FASTKD2: variants seen among roughly 807,000 people sequenced by gnomAD.
FASTKD2 encodes the protein FAST kinase domain-containing protein 2, mitochondrial.
A neutral mutation model predicts 63.6 loss-of-function variants in FASTKD2; 51 were observed. That is an observed-to-expected ratio of 0.80 (90% CI 0.64 to 1.01). The LOEUF is 1.01. Among genes scored for constraint, FASTKD2 ranks in the 50% least tolerant of loss-of-function variants. FASTKD2 has a pLI of 0.00. For synonymous variants in FASTKD2, 284 were observed against 293.4 expected, an observed-to-expected ratio of 0.97 and a Z score of 0.33; for missense variants, 786 against 831.1, an observed-to-expected ratio of 0.95 and a Z score of 0.67.
chr2:206,771,741 C>G (rs1689688561), intron 4 of FASTKD2, among the ~76,000 whole-genome samples, 153 bp from the exon 5 acceptor site: 1 of 151,354 alleles, frequency 6.6e-6, no homozygotes, highest in Non-Finnish European at 1.5e-5. Flanking sequence ...GTAATCCCAG[C>G]TACATGGGCG....
At chr2:206,788,210 T>G in intron 9 of FASTKD2, 55 bp downstream of exon 9, 2 of 1,308,496 alleles carry the variant, frequency 1.5e-6, no homozygotes, top group South Asian at 2.6e-5. Flanking sequence ...TTCCTTTTTT[T>G]CTGACCAAAA....
At chr2:206,773,928 G>T (rs1441059993) in intron 6 of FASTKD2, among the ~76,000 whole-genome samples, 1 of 152,120 alleles carries the variant, frequency 6.6e-6, no homozygotes, top group Non-Finnish European at 1.5e-5. Flanking sequence ...TATGTTGTAT[G>T]AAAAGCATGT....
chr2:206,790,532 TA>T (rs758483047), intron 10 of FASTKD2, 39 bp from the exon 11 acceptor site: 4 of 1,164,276 alleles, frequency 3.4e-6, no homozygotes, highest in Non-Finnish European at 5.2e-6. Context: ...TAAATAGTAA[TA>T]TCAATAACTG....
intron 7 of FASTKD2, 121 bp from the exon 8 acceptor site, chr2:206,786,612 G>A: frequency 2.3e-6 from 2 of 862,974 alleles, no homozygotes; most frequent in Non-Finnish European, 4.0e-6. Flanking sequence ...ATAACCAACT[G>A]TCCAGAATGA....
At position 206,790,525 on chromosome 2, in the gene FASTKD2, A is replaced by G. The variant is rs201809280; in HGVS notation, c.1899-47A>G. ...GAGAACAAGAATGCAGCAAGACTAA[A>G]TAGTAATATCAATAACTGTTCTTGT... is the stretch of plus-strand genomic sequence containing the variant. On this transcript the variant is annotated intron_variant, in intron 10 of 11. Transcript: ENST00000402774. The G allele has an allele frequency of 3.6e-6, 4 of 1,100,980 alleles. No individual in the cohort carries two copies. The Admixed American group carries it at 6.7e-5, about 19-fold the overall frequency. The allele number at this position is 1,100,980 out of a possible 1,614,324, so 68.2% of individuals were successfully genotyped here.
intron 7 of FASTKD2, among the ~76,000 whole-genome samples, chr2:206,778,711 CCGTG>C (rs1689887610): frequency 6.6e-6 from 1 of 151,716 alleles, no homozygotes; most frequent in Non-Finnish European, 1.5e-5. Flanking sequence ...TGGTACCAGT[CCGTG>C]GCCTGTTAGG....
intron 11 of FASTKD2, 121 bp from the exon 12 acceptor site, chr2:206,791,562 G>T: frequency 1.2e-6 from 1 of 851,546 alleles, no homozygotes; most frequent in Admixed American, 1.8e-5. Flanking sequence ...GTAGTTATAA[G>T]GTCACATTTG....
In FASTKD2 at chr2:206,788,070, A is replaced by G. The variant is rs1690184475; in HGVS notation, c.1728A>G (p.Ala576=). The G allele has an allele frequency of 1.2e-6, 2 of 1,613,852 alleles. No homozygotes were observed. Among genetic ancestry groups the G allele is most frequent in the Non-Finnish European group, 1.7e-6 (2 of 1,179,826 alleles). ...PRELPSSHTN[A]KVAEVLSSLL... ...AGCTGCCATCGTCACATACAAATGC[A>G]AAGGTGGCAGAGGTGCTGAGCAGCC... The change falls in exon 9 of 12, where the codon GCA becomes GCG. Residue 576 remains alanine, a synonymous_variant. Coordinates refer to ENST00000402774, the MANE Select transcript of FASTKD2 (RefSeq NM_001136193.2).
rs560757267 is a variant in FASTKD2, at chr2:206,795,058, C to A, written c.*3256C>A. Among the ~76,000 whole-genome samples, 2 of 152,174 alleles carry A rather than the reference C, an allele frequency of 1.3e-5. No individual in the cohort carries two copies. The highest frequency in any genetic ancestry group is 2.4e-5 in the African/African-American group (1 of 41,440). The stretch of plus-strand genomic sequence containing the variant: ...GAGGGACGTGGCACAGCCTTGTCTT[C>A]ACACAGCACATCACAGCCAGGCAGC... On this transcript the variant is annotated 3_prime_UTR_variant, in exon 12 of 12. Transcript: ENST00000402774.
At chr2:206,770,868 A>G (rs983908002) in intron 3 of FASTKD2, among the ~76,000 whole-genome samples, 2 of 152,208 alleles carry the variant, frequency 1.3e-5, no homozygotes, top group African/African-American at 2.4e-5. Flanking sequence ...ATTGATATAA[A>G]TGATCTAATG....
intron 7 of FASTKD2, among the ~76,000 whole-genome samples, chr2:206,785,708 C>T (rs1025297685): frequency 1.3e-5 from 2 of 152,120 alleles, no homozygotes; most frequent in African/African-American, 2.4e-5. Context: ...CTTGCTATTG[C>T]GTATATGATC....
chr2:206,770,267 T>G, intron 3 of FASTKD2, 73 bp downstream of exon 3: 1 of 1,002,752 alleles, frequency 1.0e-6, no homozygotes, highest in Non-Finnish European at 1.6e-6. Flanking sequence ...AAAATTGAGA[T>G]GAAAACTAAA....
intron 6 of FASTKD2, 44 bp from the exon 7 acceptor site, chr2:206,774,181 A>T (rs767872395): frequency 7.3e-7 from 1 of 1,364,774 alleles, no homozygotes; most frequent in South Asian, 1.2e-5. Context: ...CTATTAGCAT[A>T]CTGTAATTAT....
At chr2:206,772,485 G>T (rs960538817) in intron 6 of FASTKD2, among the ~76,000 whole-genome samples, 165 bp downstream of exon 6, 2 of 152,128 alleles carry the variant, frequency 1.3e-5, no homozygotes, top group Non-Finnish European at 2.9e-5. Flanking sequence ...CCTGTCTGGG[G>T]GCTACTTGCT....
chr2:206,781,684 T>A (rs944857476), intron 7 of FASTKD2, among the ~76,000 whole-genome samples: 31 of 151,110 alleles, frequency 2.1e-4, no homozygotes, highest in Admixed American at 8.5e-4. Context: ...TTTTTTTTTT[T>A]TTTTTTCCAG....
At chr2:206,782,950 G>T (rs542578637) in intron 7 of FASTKD2, among the ~76,000 whole-genome samples, 1 of 152,256 alleles carries the variant, frequency 6.6e-6, no homozygotes, top group East Asian at 1.9e-4. Context: ...CAGTTGTGAA[G>T]GTCTCAGTGG....
chr2:206,790,487 T>C, intron 10 of FASTKD2, 85 bp from the exon 11 acceptor site: 5 of 863,962 alleles, frequency 5.8e-6, no homozygotes, highest in Non-Finnish European at 7.9e-6. Context: ...AGAGCTCAAC[T>C]TGGAAATCTC....
chr2:206,780,887 T>C (rs1240032504), intron 7 of FASTKD2, among the ~76,000 whole-genome samples: 1 of 152,190 alleles, frequency 6.6e-6, no homozygotes, highest in Non-Finnish European at 1.5e-5. Flanking sequence ...TGAAATATGC[T>C]GGTATGGCCC....
rs951329017 is a variant in FASTKD2, at chr2:206,793,867, A to G, written c.*2065A>G. On this transcript the variant is annotated 3_prime_UTR_variant, in exon 12 of 12. Transcript: ENST00000402774. ...GTTCAGTCTACTTGTAAAGACATGC[A>G]CATTGAAACAGAAGAGATGGTTTTG... Among the ~76,000 whole-genome samples, 1 of 152,232 alleles carries G rather than the reference A, an allele frequency of 6.6e-6. No individual in the cohort carries two copies. The highest frequency in any genetic ancestry group is 6.5e-5 in the Admixed American group (1 of 15,290).
Sources: gnomAD v4.1 joint callset for allele counts (sites outside exome capture counted in the v4.1 genomes callset) on GRCh38, gnomAD v4.1.1 for gene constraint, MANE v1.5 for transcripts, NCBI Gene and HGNC (gene_info 2026-07-23, HGNC 2026-07-21) for gene names.